Variants in RAI1 observed in about 807,000 individuals in gnomAD.
RAI1 encodes retinoic acid-induced protein 1.
RAI1 carries 9 observed loss-of-function variants against 123.8 expected under a neutral mutation model. The observed-to-expected ratio is 0.07, with a 90% CI of 0.04 to 0.13. The LOEUF is 0.13. Ranked by LOEUF, RAI1 falls within the 10% of genes least tolerant of loss-of-function variation. The pLI, the probability that RAI1 is intolerant of heterozygous loss-of-function variation, is 1.00. For synonymous variants in RAI1, 1,231 were observed against 1,127.3 expected (o/e 1.09, Z -1.84); for missense variants, 2,256 against 2,545.8 (o/e 0.89, Z 2.45).
chr17:17,793,509 G>T lies in RAI1; in HGVS notation c.561G>T (p.Lys187Asn). 1 of 1,614,022 alleles carries T rather than the reference G, an allele frequency of 6.2e-7. No homozygotes were observed. The highest frequency in any genetic ancestry group is 8.5e-7 in the Non-Finnish European group (1 of 1,180,032). ...PPPQQPLAYP[K>N]LQRQKLQNDI... ...CCCAGCAGCCCCTGGCATACCCCAAGCTCCAAAGGCAGAAGCTGCAGAACG... is the reference window on the plus strand; with the variant it reads ...CCCAGCAGCCCCTGGCATACCCCAATCTCCAAAGGCAGAAGCTGCAGAACG... Residue 187 changes from lysine (K) to asparagine (N), a missense_variant, in exon 3 of 6, where the codon AAG becomes AAT. Transcript: ENST00000353383.
chr17:17,713,553 A>G (rs932388667), intron 1 of RAI1, among the ~76,000 whole-genome samples: 2 of 152,190 alleles, frequency 1.3e-5, no homozygotes, highest in African/African-American at 2.4e-5. Context: ...AGGCAGGAGA[A>G]TCGCTTGAAC....
At chr17:17,761,220 G>A (rs2030683738) in intron 2 of RAI1, among the ~76,000 whole-genome samples, 1 of 151,782 alleles carries the variant, frequency 6.6e-6, no homozygotes, top group South Asian at 2.1e-4. Flanking sequence ...CATAGTAAGT[G>A]CTTGGCAAAT....
intron 1 of RAI1, among the ~76,000 whole-genome samples, chr17:17,690,329 G>T (rs577412954): frequency 6.6e-6 from 1 of 151,646 alleles, no homozygotes; most frequent in African/African-American, 2.4e-5. Flanking sequence ...AGAGGTGGCA[G>T]TGAGCCAAGA....
intron 2 of RAI1, among the ~76,000 whole-genome samples, chr17:17,790,079 GCCCAA>G (rs932392383): frequency 6.6e-6 from 1 of 152,120 alleles, no homozygotes; most frequent in African/African-American, 2.4e-5. Context: ...GGCCTGCCCA[GCCCAA>G]CCCAACCCAG....
At chr17:17,751,947 A>G (rs1044716563) in intron 2 of RAI1, among the ~76,000 whole-genome samples, 3 of 152,164 alleles carry the variant, frequency 2.0e-5, no homozygotes, top group African/African-American at 4.8e-5. Context: ...GAAGCCACCA[A>G]GGGCAGAGTT....
In RAI1 at chr17:17,795,129, C is replaced by T. The variant is rs2032182715; in HGVS notation, c.2181C>T (p.Asp727=). ...CAGACCCCACTACAGCAGCTTTTGA[C>T]TGTTTCCCGGACACAACCGCTGCCA... ...PAPDPTTAAF[D]CFPDTTAASS... The change falls in exon 3 of 6, where the codon GAC becomes GAT. Residue 727 remains aspartate, a synonymous_variant. Coordinates refer to ENST00000353383, the MANE Select transcript of RAI1 (RefSeq NM_030665.4). This position sits in a 1 kb window ranked among gnomAD's most constrained non-coding sequence, Gnocchi z 5.9. The T allele has an allele frequency of 6.2e-7, 1 of 1,614,092 alleles. No individual in the cohort carries two copies. The highest frequency in any genetic ancestry group is 8.5e-7 in the Non-Finnish European group (1 of 1,180,034).
chr17:17,766,466 A>G (rs913743748), intron 2 of RAI1, among the ~76,000 whole-genome samples: 1 of 152,204 alleles, frequency 6.6e-6, no homozygotes, highest in Non-Finnish European at 1.5e-5. Flanking sequence ...GCCTGCTTCT[A>G]TTAAGGAGCT....
In RAI1 at chr17:17,795,915, A is replaced by C; in HGVS notation, c.2967A>C (p.Lys989Asn). 6.2e-7 allele frequency: 1 copy of C among 1,610,672 alleles called. No homozygotes were observed. Among genetic ancestry groups the C allele is most frequent in the African/African-American group, 1.3e-5 (1 of 75,014 alleles). Reference protein sequence around the residue: ...PAVPEAPIAKKEPVPRGKSLR... With the variant: ...PAVPEAPIAKNEPVPRGKSLR... The stretch of plus-strand genomic sequence containing the variant: ...TGCCCGAGGCGCCCATCGCAAAGAA[A>C]GAGCCTGTGCCACGGGGCAAAAGCT... The change falls in exon 3 of 6, where the codon AAA becomes AAC. Residue 989 changes from lysine (K) to asparagine (N), a missense_variant. By Grantham distance (94) the Lys-to-Asn change is moderately conservative (BLOSUM62 0). This residue lies in a region of RAI1 where 566 missense variants were observed against 616.0 expected (regional missense o/e 0.92). Transcript: ENST00000353383. This position sits in a 1 kb window ranked among gnomAD's most constrained non-coding sequence, Gnocchi z 5.9.
chr17:17,738,018 G>A (rs979684612), intron 2 of RAI1, among the ~76,000 whole-genome samples: 3 of 152,174 alleles, frequency 2.0e-5, no homozygotes, highest in Non-Finnish European at 2.9e-5. Context: ...TCCCAGGGGG[G>A]CAGGTGGCTT....
Position 17,810,800 on chromosome 17 carries a change from C to CCCAAGAAG in RAI1, c.*820_*821insCAAGAAGC, listed in dbSNP as rs2032732748. The CCCAAGAAG allele has an allele frequency of 2.2e-6, 1 of 454,986 alleles. No individual in the cohort carries two copies. Among genetic ancestry groups the CCCAAGAAG allele is most frequent in the Non-Finnish European group, 4.4e-6 (1 of 225,698 alleles). The allele number at this position is 454,986 out of a possible 1,614,324, so 28.2% of individuals were successfully genotyped here. ...CCCAAGAAGCGGCCAGAACGCACCT[C>CCCAAGAAG]CGGCTCCGGCGGACGCGCGACCGTT... On this transcript the variant is annotated 3_prime_UTR_variant, in exon 6 of 6. Coordinates refer to ENST00000353383, the MANE Select transcript of RAI1 (RefSeq NM_030665.4). This position sits in a 1 kb window ranked among gnomAD's most constrained non-coding sequence, Gnocchi z 4.6.
At chr17:17,759,288 G>A (rs949081283) in intron 2 of RAI1, 16 of 152,218 alleles carry the variant, frequency 1.1e-4, no homozygotes, top group African/African-American at 2.7e-4. Flanking sequence ...GGCCAACTAC[G>A]AGGAGTTGTC....
intron 2 of RAI1, among the ~76,000 whole-genome samples, chr17:17,789,853 A>G (rs2031950297): frequency 6.6e-6 from 1 of 152,152 alleles, no homozygotes; most frequent in Non-Finnish European, 1.5e-5. Context: ...CCGTCCGGGC[A>G]GTGTGGTTGA....
intron 2 of RAI1, among the ~76,000 whole-genome samples, chr17:17,782,698 G>A (rs1040322775): frequency 6.6e-6 from 1 of 151,182 alleles, no homozygotes; most frequent in South Asian, 2.1e-4. Flanking sequence ...GGAAGGGCGG[G>A]GGCGGGGCTG....
At chr17:17,802,725 A>G (rs1180463181) in intron 3 of RAI1, among the ~76,000 whole-genome samples, 3 of 151,906 alleles carry the variant, frequency 2.0e-5, no homozygotes, top group Admixed American at 6.6e-5. Context: ...GCAGTGAGCC[A>G]AGATTGTGCC....
chr17:17,782,907 G>C (rs1364400382), intron 2 of RAI1, among the ~76,000 whole-genome samples: 1 of 152,142 alleles, frequency 6.6e-6, no homozygotes, highest in Non-Finnish European at 1.5e-5. Flanking sequence ...TGCGGAGGCC[G>C]TACGCCCCGC....
chr17:17,788,989 C>T (rs189299301), intron 2 of RAI1, among the ~76,000 whole-genome samples: 2 of 152,314 alleles, frequency 1.3e-5, no homozygotes, highest in Admixed American at 6.5e-5. Flanking sequence ...CATTAGTGGA[C>T]CCACCCGAGG....
intron 2 of RAI1, among the ~76,000 whole-genome samples, chr17:17,750,706 A>G (rs955067532): frequency 6.6e-6 from 1 of 151,178 alleles, no homozygotes; most frequent in Non-Finnish European, 1.5e-5. Context: ...AAAAAAAAAA[A>G]AAAAAAAGAA....
intron 2 of RAI1, among the ~76,000 whole-genome samples, chr17:17,790,555 C>T (rs973249936): frequency 6.6e-6 from 1 of 152,022 alleles, no homozygotes; most frequent in Non-Finnish European, 1.5e-5. Context: ...CTGGTAATAG[C>T]ACCCCCTCAC....
In RAI1 at chr17:17,809,258, A is replaced by T; in HGVS notation, c.5660-132A>T. 1 of 820,596 alleles carries T rather than the reference A, an allele frequency of 1.2e-6. No homozygotes were observed. The highest frequency in any genetic ancestry group is 2.1e-6 in the Non-Finnish European group (1 of 467,640). 50.8% of individuals were successfully genotyped at this position (820,596 alleles called of 1,614,324 possible). ...GGAGGGTTTTGTGCAGAATCTGATT[A>T]ACTCTTTGAAAAGAGCCCCTGCAGT... On this transcript the variant is annotated intron_variant, in intron 4 of 5. Transcript: ENST00000353383. The surrounding 1 kb of genome is among the most constrained non-coding windows in gnomAD (Gnocchi z 4.9).
Sources: allele counts gnomAD v4.1 joint callset (sites outside exome capture counted in the v4.1 genomes callset), GRCh38; gene constraint gnomAD v4.1.1; regional missense constraint gnomAD v4.1.1; non-coding constraint Gnocchi (gnomAD v3.1); transcripts MANE v1.5; gene names NCBI Gene and HGNC (gene_info 2026-07-23, HGNC 2026-07-21).